Variants in PCCA observed in about 807,000 individuals in gnomAD.
PCCA encodes propionyl-CoA carboxylase subunit alpha.
In PCCA, 74 loss-of-function variants were observed where a neutral mutation model predicts 101.3. The ratio of observed to expected loss-of-function variants is 0.73; its 90% CI spans 0.61 to 0.89. The LOEUF (loss-of-function observed/expected upper bound fraction) is 0.89, where lower values mean the gene tolerates loss of function less well. Among genes scored for constraint, PCCA ranks in the 40% least tolerant of loss-of-function variants. PCCA has a pLI of 0.00. For missense variants in PCCA, 891 were observed against 907.0 expected (o/e 0.98, Z 0.23); for synonymous variants, 294 against 313.6 (o/e 0.94, Z 0.66).
At chr13:100,268,608 A>T in intron 10 of PCCA, 81 bp from the exon 11 acceptor site, 1 of 938,010 alleles carries the variant, frequency 1.1e-6, no homozygotes, top group Non-Finnish European at 1.8e-6. Context: ...AAACCAAGAG[A>T]TGTTGCATGC....
intron 23 of PCCA, among the ~76,000 whole-genome samples, chr13:100,528,488 G>C (rs2088055216): frequency 6.6e-6 from 1 of 152,224 alleles, no homozygotes; most frequent in Admixed American, 6.5e-5. Context: ...TGCAAAGAGA[G>C]ATCCATCAGT....
At chr13:100,277,117 T>C (rs2063721245) in intron 12 of PCCA, among the ~76,000 whole-genome samples, 1 of 152,180 alleles carries the variant, frequency 6.6e-6, no homozygotes, top group Non-Finnish European at 1.5e-5. Flanking sequence ...CTTGAACTCC[T>C]GAGGGGATAC....
intron 6 of PCCA, among the ~76,000 whole-genome samples, chr13:100,166,212 G>C (rs915632013): frequency 6.6e-6 from 1 of 151,960 alleles, no homozygotes; most frequent in South Asian, 2.1e-4. Flanking sequence ...TTTTATATAG[G>C]TGGAATAACA....
intron 18 of PCCA, among the ~76,000 whole-genome samples, chr13:100,359,652 G>A (rs544130601): frequency 7.2e-5 from 11 of 152,310 alleles, no homozygotes; most frequent in African/African-American, 2.2e-4. Flanking sequence ...CCTAATGATT[G>A]CAAAGGAAGC....
At chr13:100,402,744 AG>A (rs1226076558) in intron 19 of PCCA, among the ~76,000 whole-genome samples, 3 of 152,290 alleles carry the variant, frequency 2.0e-5, no homozygotes, top group South Asian at 4.1e-4. Context: ...TGGTAGGGGC[AG>A]GGGGGATGAG....
chr13:100,480,828 C>T (rs143136781), intron 21 of PCCA, among the ~76,000 whole-genome samples: 95 of 152,262 alleles, frequency 6.2e-4, no homozygotes, highest in African/African-American at 2.0e-3. Context: ...ATGACAGTCA[C>T]GAAGGGGAAT....
In PCCA at chr13:100,102,954, T is replaced by A. The variant is rs778065877; in HGVS notation, c.177T>A (p.Asn59Lys). 2 of 1,587,550 alleles carry A rather than the reference T, an allele frequency of 1.3e-6. No individual in the cohort carries two copies. The highest frequency in any genetic ancestry group is 1.7e-6 in the Non-Finnish European group (2 of 1,156,030). ...RNLGSVGYDP[N>K]EKTFDKILVA... is the part of the protein sequence containing the mutation. ...TTGGTTCAGTGGGATATGATCCTAA[T>A]GAAAAAGTAAGTATTTAAAAGATAT... is the stretch of plus-strand genomic sequence containing the variant. The change falls in exon 2 of 24, where the codon AAT (asparagine) becomes AAA (lysine). Residue 59 changes from asparagine to lysine, a missense_variant. Coordinates refer to ENST00000376285, the MANE Select transcript of PCCA (RefSeq NM_000282.4).
chr13:100,515,566 C>CG lies in PCCA; in HGVS notation c.2040+1dup. 1 of 1,613,526 alleles carries CG rather than the reference C, an allele frequency of 6.2e-7. No individual in the cohort carries two copies. The highest frequency in any genetic ancestry group is 1.1e-5 in the South Asian group (1 of 91,076). ...GCCGTCTCTGTCAAGCCTGGAGACG[C>CG]GGTAAGGGCTGTGTGTGTCTCTCTG... On this transcript the variant is annotated frameshift_variant and splice_region_variant, in exon 22 of 24. Transcript: ENST00000376285. LOFTEE classifies it high-confidence loss of function.
At chr13:100,247,511 C>T (rs796765949) in intron 8 of PCCA, among the ~76,000 whole-genome samples, 42 of 126,898 alleles carry the variant, frequency 3.3e-4, no homozygotes, top group African/African-American at 1.1e-3. Context: ...CCACCGTGCC[C>T]GGCCTTTTTT....
At chr13:100,284,539 T>C (rs1278231156) in intron 12 of PCCA, among the ~76,000 whole-genome samples, 1 of 152,226 alleles carries the variant, frequency 6.6e-6, no homozygotes, top group Non-Finnish European at 1.5e-5. Flanking sequence ...AGTGAGGAAA[T>C]GCAGCAGTCC....
intron 6 of PCCA, among the ~76,000 whole-genome samples, chr13:100,171,949 G>C (rs563715058): frequency 6.6e-6 from 1 of 151,348 alleles, no homozygotes; most frequent in South Asian, 2.1e-4. Flanking sequence ...GGAGAATGGC[G>C]TGAACACAGG....
chr13:100,372,080 C>T (rs996564022), intron 19 of PCCA, among the ~76,000 whole-genome samples: 1 of 152,230 alleles, frequency 6.6e-6, no homozygotes, highest in African/African-American at 2.4e-5. Flanking sequence ...CACAGTGGCT[C>T]ATGCCTGTAA....
At chr13:100,331,934 A>AT (rs34411352) in intron 17 of PCCA, among the ~76,000 whole-genome samples, 26,240 of 89,814 alleles carry the variant, frequency 0.29, 4,553 homozygotes, top group Middle Eastern at 0.4. Flanking sequence ...ATTACTTTGG[A>AT]TTTTTTTTTT....
At chr13:100,257,714 G>T in intron 9 of PCCA, 41 bp downstream of exon 9, 1 of 1,410,868 alleles carries the variant, frequency 7.1e-7, no homozygotes, top group Non-Finnish European at 1.0e-6. Flanking sequence ...GAAAATTGCA[G>T]TTACCAGAGT....
At chr13:100,516,854 C>CT (rs1344549991) in intron 22 of PCCA, among the ~76,000 whole-genome samples, 1 of 151,740 alleles carries the variant, frequency 6.6e-6, no homozygotes, top group Non-Finnish European at 1.5e-5. Flanking sequence ...GAATCGTTCA[C>CT]TTGCACGTGA....
chr13:100,178,909 C>G (rs2056498237), intron 6 of PCCA, among the ~76,000 whole-genome samples: 1 of 151,648 alleles, frequency 6.6e-6, no homozygotes, highest in African/African-American at 2.4e-5. Flanking sequence ...AACCCCATCT[C>G]TACTAAAAAT....
chr13:100,299,445 A>G (rs1471552072), intron 12 of PCCA, among the ~76,000 whole-genome samples: 2 of 152,234 alleles, frequency 1.3e-5, no homozygotes, highest in African/African-American at 4.8e-5. Flanking sequence ...TTTCATATAC[A>G]TTACTGTCAG....
chr13:100,270,297 T>G (rs372011549), intron 11 of PCCA, among the ~76,000 whole-genome samples: 10 of 152,342 alleles, frequency 6.6e-5, no homozygotes, highest in East Asian at 5.8e-4. Flanking sequence ...AACCATGTGC[T>G]GAGCTAGAAC....
intron 21 of PCCA, among the ~76,000 whole-genome samples, chr13:100,472,966 G>A (rs1156631770): frequency 1.3e-5 from 2 of 152,132 alleles, no homozygotes; most frequent in Non-Finnish European, 2.9e-5. Context: ...AACTCACAGG[G>A]ATTGATAGCT....
Sources: allele counts gnomAD v4.1 joint callset (sites outside exome capture counted in the v4.1 genomes callset), GRCh38; gene constraint gnomAD v4.1.1; transcripts MANE v1.5; gene names NCBI Gene and HGNC (gene_info 2026-07-23, HGNC 2026-07-21).